Variants in ELAPOR2 observed in about 807,000 individuals in gnomAD.
ELAPOR2 encodes endosome-lysosome associated apoptosis and autophagy regulator family member 2.
In ELAPOR2, 89 loss-of-function variants were observed where a neutral mutation model predicts 120.7. The ratio of observed to expected loss-of-function variants is 0.74; its 90% CI spans 0.62 to 0.88. The LOEUF is 0.88. Ranked by LOEUF, ELAPOR2 falls within the 40% of genes least tolerant of loss-of-function variation. The pLI is 0.00. For missense variants in ELAPOR2, 1,134 were observed against 1,251.6 expected (o/e 0.91, Z 1.42); for synonymous variants, 444 against 444.9 (o/e 1.00, Z 0.03).
chr7:86,963,451 G>T (rs1791791484), intron 2 of ELAPOR2, among the ~76,000 whole-genome samples: 3 of 152,116 alleles, frequency 2.0e-5, no homozygotes, highest in South Asian at 2.1e-4. Flanking sequence ...GTGTTTGCCA[G>T]TTTTCATGGA....
intron 1 of ELAPOR2, among the ~76,000 whole-genome samples, chr7:87,004,227 T>C (rs1793403880): frequency 6.6e-6 from 1 of 152,164 alleles, no homozygotes; most frequent in Non-Finnish European, 1.5e-5. Context: ...CTTTCCTGGA[T>C]GGGTGGGGGA....
intron 1 of ELAPOR2, among the ~76,000 whole-genome samples, chr7:86,970,910 T>A (rs1792086074): frequency 6.6e-6 from 1 of 152,186 alleles, no homozygotes; most frequent in African/African-American, 2.4e-5. Flanking sequence ...GGTGCTCAAT[T>A]CATTTTTGAA....
At chr7:86,989,467 G>A (rs1258546733) in intron 1 of ELAPOR2, among the ~76,000 whole-genome samples, 1 of 152,182 alleles carries the variant, frequency 6.6e-6, no homozygotes, top group Non-Finnish European at 1.5e-5. Flanking sequence ...CAAGAATAGA[G>A]AGTGACATTT....
At chr7:86,927,268 G>C (rs1001688920) in intron 8 of ELAPOR2, among the ~76,000 whole-genome samples, 2 of 151,906 alleles carry the variant, frequency 1.3e-5, no homozygotes, top group African/African-American at 4.8e-5. Context: ...GCAGCAACTT[G>C]CTTTTTCATT....
At chr7:87,040,758 A>G (rs1408889217) in intron 1 of ELAPOR2, among the ~76,000 whole-genome samples, 1 of 152,262 alleles carries the variant, frequency 6.6e-6, no homozygotes, top group Non-Finnish European at 1.5e-5. Flanking sequence ...ACAAAGCTGG[A>G]TGGAGAATGA....
chr7:86,914,779 T>C lies in ELAPOR2; in HGVS notation c.1675A>G (p.Lys559Glu). 1 of 1,612,896 alleles carries C rather than the reference T, an allele frequency of 6.2e-7. No individual in the cohort carries two copies. Among genetic ancestry groups the C allele is most frequent in the Non-Finnish European group, 8.5e-7 (1 of 1,179,228 alleles). ...CATGTAAATGTAAAAGTTGCATTCT[T>C]GAAGATGATATGGGTGTAAGCTTGT... ...EKQAYTHIIF[K>E]NATFTFTWAF... Residue 559 changes from lysine to glutamate, a missense_variant, in exon 13 of 22, where the codon AAG becomes GAG. Lys to Glu is a moderately conservative substitution (Grantham distance 56). This residue lies in a region of ELAPOR2 where 831 missense variants were observed against 867.6 expected (regional missense o/e 0.96). Transcript: ENST00000450689.
intron 1 of ELAPOR2, among the ~76,000 whole-genome samples, chr7:87,047,609 C>A (rs1249722461): frequency 6.6e-6 from 1 of 152,088 alleles, no homozygotes; most frequent in Non-Finnish European, 1.5e-5. Flanking sequence ...TAGAGAAATG[C>A]AAATCAAAAC....
In ELAPOR2 at chr7:87,022,059, C is replaced by T. The variant is rs1433350667; in HGVS notation, c.189+37266G>A. 2.6e-5 allele frequency among the ~76,000 whole-genome samples: 4 copies of T among 152,058 alleles called. No homozygotes were observed. In the East Asian group the frequency reaches 7.7e-4, roughly 29 times the overall value. On this transcript the variant is annotated intron_variant, in intron 1 of 21. Coordinates refer to ENST00000450689, the MANE Select transcript of ELAPOR2 (RefSeq NM_001142749.3). ...TGACAGCCATAGGTTAGTGAATAAACTAAACTAAAATTTATTTATTTATTT... is the reference window on the plus strand; with the variant it reads ...TGACAGCCATAGGTTAGTGAATAAATTAAACTAAAATTTATTTATTTATTT...
chr7:87,010,848 G>C (rs1188578960), intron 1 of ELAPOR2, among the ~76,000 whole-genome samples: 1 of 151,886 alleles, frequency 6.6e-6, no homozygotes. Flanking sequence ...CACAGATACA[G>C]AGGAACCACT....
chr7:86,905,182 AAGAGAG>A lies in ELAPOR2; in HGVS notation c.2558+2482_2558+2487del, dbSNP rs147886977. On this transcript the variant is annotated intron_variant, in intron 18 of 21. Coordinates refer to ENST00000450689, the MANE Select transcript of ELAPOR2 (RefSeq NM_001142749.3). Reference sequence around the variant, plus strand: ...AAAGAGAGAAAGAAAGAAAGAGAGAAAGAGAGAGAGAGAGAGAGAGAGAAAGAGAGA... The same window carrying A: ...AAAGAGAGAAAGAAAGAAAGAGAGAAAGAGAGAGAGAGAGAGAAAGAGAGA... 2.4e-4 allele frequency among the ~76,000 whole-genome samples: 34 copies of A among 143,446 alleles called. 1 individual carries two copies. Among genetic ancestry groups the A allele is most frequent in the Admixed American group, 3.5e-4 (5 of 14,474 alleles). 94.1% of individuals were successfully genotyped at this position (143,446 alleles called of 152,430 possible).
chr7:86,924,563 C>A (rs1789978970), intron 10 of ELAPOR2, among the ~76,000 whole-genome samples: 1 of 151,338 alleles, frequency 6.6e-6, no homozygotes, highest in Non-Finnish European at 1.5e-5. Flanking sequence ...ATATCTTATT[C>A]TTCTTCTCTC....
chr7:86,891,712 T>C lies in ELAPOR2; in HGVS notation c.3030+12A>G. ...AACACCCAGTAACACCAGGTTAAAA[T>C]TCTACTCTCACCTTGGTTGCCAAAG... On this transcript the variant is annotated intron_variant, in intron 21 of 21. Transcript: ENST00000450689. 1 of 1,603,556 alleles carries C rather than the reference T, an allele frequency of 6.2e-7. No homozygotes were observed. Among genetic ancestry groups the C allele is most frequent in the Non-Finnish European group, 8.5e-7 (1 of 1,174,948 alleles).
intron 1 of ELAPOR2, among the ~76,000 whole-genome samples, chr7:86,993,747 GC>G (rs1682850891): frequency 6.6e-6 from 1 of 152,122 alleles, no homozygotes; most frequent in Non-Finnish European, 1.5e-5. Flanking sequence ...AGTCCTGAAA[GC>G]CTTCTCAAAA....
At position 86,980,005 on chromosome 7, in the gene ELAPOR2, TG is replaced by T. The variant is rs142263736; in HGVS notation, c.190-14982del. ...AAAACAGAACAACAACAAAATAATG[TG>T]GGCTGGACAAGCTTGCTAGATATTC... On this transcript the variant is annotated intron_variant, in intron 1 of 21. Transcript: ENST00000450689. 7.9e-5 allele frequency among the ~76,000 whole-genome samples: 12 copies of T among 152,304 alleles called. No homozygotes were observed. The East Asian group carries it at 2.1e-3, about 27-fold the overall frequency.
chr7:87,009,700 C>T (rs1007180646), intron 1 of ELAPOR2, among the ~76,000 whole-genome samples: 5 of 152,206 alleles, frequency 3.3e-5, no homozygotes, highest in African/African-American at 1.2e-4. Flanking sequence ...CAAATCCTTT[C>T]TCTGGCTTTC....
chr7:86,946,092 A>T (rs1790990980), intron 3 of ELAPOR2, among the ~76,000 whole-genome samples: 1 of 152,074 alleles, frequency 6.6e-6, no homozygotes, highest in African/African-American at 2.4e-5. Context: ...AACAATAAAC[A>T]CATGAAACAT....
chr7:87,042,932 A>G (rs929134199), intron 1 of ELAPOR2, among the ~76,000 whole-genome samples: 5 of 152,228 alleles, frequency 3.3e-5, no homozygotes, highest in African/African-American at 1.2e-4. Flanking sequence ...AGGGGATATC[A>G]CCACCGATCC....
At chr7:86,916,642 CT>C (rs1429019479) in intron 12 of ELAPOR2, among the ~76,000 whole-genome samples, 2 of 152,160 alleles carry the variant, frequency 1.3e-5, no homozygotes, top group Non-Finnish European at 2.9e-5. Context: ...CACAGAGTTT[CT>C]TATTCAGTAA....
intron 8 of ELAPOR2, among the ~76,000 whole-genome samples, chr7:86,931,959 T>C (rs2081388096): frequency 6.6e-6 from 1 of 151,952 alleles, no homozygotes; most frequent in Non-Finnish European, 1.5e-5. Flanking sequence ...AACTGATCTG[T>C]GTGATGCTGA....
Sources: gnomAD v4.1 joint callset for allele counts (sites outside exome capture counted in the v4.1 genomes callset) on GRCh38, gnomAD v4.1.1 for gene constraint, gnomAD v4.1.1 regional missense constraint, MANE v1.5 for transcripts, NCBI Gene and HGNC (gene_info 2026-07-23, HGNC 2026-07-21) for gene names.